Variants in CST1 observed in about 807,000 individuals in gnomAD.
CST1 encodes cystatin-SN.
A neutral mutation model predicts 10.7 loss-of-function variants in CST1; 19 were observed. The ratio of observed to expected loss-of-function variants is 1.78; its 90% confidence interval spans 1.24 to 2.61. The LOEUF (loss-of-function observed/expected upper bound fraction) is 2.61, where lower values mean the gene tolerates loss of function less well. CST1 is among the 30% of genes most tolerant of loss of function. The pLI is 0.00. For synonymous variants in CST1, 95 were observed against 72.8 expected (o/e 1.31, Z -1.55); for missense variants, 247 against 178.1 (o/e 1.39, Z -2.20).
chr20:23,747,962 G>C (rs1407424723), intron 2 of CST1, 63 bp from the exon 3 acceptor site: 20 of 1,504,152 alleles, frequency 1.3e-5, no homozygotes, highest in South Asian at 2.3e-5. Context: ...AGATGCCCAG[G>C]CATGAGATGT....
At chr20:23,749,322 T>C (rs1302771279) in intron 1 of CST1, among the ~76,000 whole-genome samples, 193 bp from the exon 2 acceptor site, 1 of 152,220 alleles carries the variant, frequency 6.6e-6, no homozygotes, top group African/African-American at 2.4e-5. Context: ...CATTGCTTTC[T>C]CTGTGCTGGG....
Position 23,747,738 on chromosome 20 carries a change from G to A in CST1, c.*78C>T. The A allele has an allele frequency of 7.0e-7, 1 of 1,431,138 alleles. No homozygotes were observed. The highest frequency in any genetic ancestry group is 9.7e-7 in the Non-Finnish European group (1 of 1,029,258). The allele number at this position is 1,431,138 out of a possible 1,614,324, so 88.7% of individuals were successfully genotyped here. On this transcript the variant is annotated 3_prime_UTR_variant, in exon 3 of 3. Coordinates refer to ENST00000304749, the MANE Select transcript of CST1 (RefSeq NM_001898.3). The stretch of plus-strand genomic sequence containing the variant: ...ATGGGGAGGCCTCCCGCAGGGTGGG[G>A]GCCACCAGTCCAGGGGTGGGAGCAC...
At chr20:23,749,947 A>C (rs1260718383) in intron 1 of CST1, among the ~76,000 whole-genome samples, 4 of 150,328 alleles carry the variant, frequency 2.7e-5, no homozygotes, top group Non-Finnish European at 5.9e-5. Flanking sequence ...TTTCCAGGAG[A>C]AGGTGGAGGA....
At chr20:23,749,913 G>A (rs1345095310) in intron 1 of CST1, among the ~76,000 whole-genome samples, 5 of 150,244 alleles carry the variant, frequency 3.3e-5, no homozygotes, top group African/African-American at 7.4e-5. Context: ...GAGGAGAAAC[G>A]GGGCTGGTGG....
chr20:23,749,093 C>T lies in CST1; in HGVS notation c.265G>A (p.Val89Met). 3 of 1,614,156 alleles carry T rather than the reference C, an allele frequency of 1.9e-6. No homozygotes were observed. Among genetic ancestry groups the T allele is most frequent in the Non-Finnish European group, 2.5e-6 (3 of 1,180,040 alleles). ...GGVNYFFDVE[V>M]GRTICTKSQP... Reference sequence around the variant, plus strand: ...GACTTGGTACATATGGTGCGGCCCACCTCTACGTCGAAGAAGTAATTCACC... The same window carrying T: ...GACTTGGTACATATGGTGCGGCCCATCTCTACGTCGAAGAAGTAATTCACC... The change falls in exon 2 of 3, where the codon GTG becomes ATG. Residue 89 changes from valine to methionine, a missense_variant. Coordinates refer to ENST00000304749, the MANE Select transcript of CST1 (RefSeq NM_001898.3).
In CST1 at chr20:23,747,794, G is replaced by A. The variant is rs184019338; in HGVS notation, c.*22C>T. 2.5e-6 allele frequency: 4 copies of A among 1,610,726 alleles called. No homozygotes were observed. The highest frequency in any genetic ancestry group is 4.5e-5 in the East Asian group (2 of 44,832). On this transcript the variant is annotated 3_prime_UTR_variant, in exon 3 of 3. Transcript: ENST00000304749. ...GGGGTGGGAGTGGGTGGTGGCTGGT[G>A]CGAATGGCCTGGCACAGATCCCTAG...
chr20:23,750,917 A>C lies in CST1; in HGVS notation c.-51T>G, dbSNP rs1453849932. 1.3e-6 allele frequency: 2 copies of C among 1,505,022 alleles called. No individual in the cohort carries two copies. The highest frequency in any genetic ancestry group is 1.4e-5 in the African/African-American group (1 of 71,996). 93.2% of individuals were successfully genotyped at this position (1,505,022 alleles called of 1,614,324 possible). The stretch of plus-strand genomic sequence containing the variant: ...GCTGGAGCTGCAGGAGAGGAGGGTG[A>C]GAGCCCGAGGCAGGGAGCCCAGACC... On this transcript the variant is annotated 5_prime_UTR_variant, in exon 1 of 3. Coordinates refer to ENST00000304749, the MANE Select transcript of CST1 (RefSeq NM_001898.3).
Position 23,750,920 on chromosome 20 carries a change from G to C in CST1, c.-54C>G, listed in dbSNP as rs1329209683. On this transcript the variant is annotated 5_prime_UTR_variant, in exon 1 of 3. Transcript: ENST00000304749. ...GGAGCTGCAGGAGAGGAGGGTGAGA[G>C]CCCGAGGCAGGGAGCCCAGACCAGC... 6.7e-6 allele frequency: 10 copies of C among 1,483,210 alleles called. No homozygotes were observed. The highest frequency in any genetic ancestry group is 2.0e-5 in the Admixed American group (1 of 50,858). 91.9% of individuals were successfully genotyped at this position (1,483,210 alleles called of 1,614,324 possible). A position where few individuals can be genotyped will look rare whatever the true frequency, so the allele number is the denominator to read the frequency against.
Position 23,747,682 on chromosome 20 carries a change from G to T in CST1, c.*134C>A. On this transcript the variant is annotated 3_prime_UTR_variant, in exon 3 of 3. Transcript: ENST00000304749. ...TGCTGAGCAACAAAGGACTCCTGCA[G>T]CCTTCTCTGTCTGTCTCTTGGCGCA... 2.6e-6 allele frequency: 2 copies of T among 769,348 alleles called. No homozygotes were observed. Among genetic ancestry groups the T allele is most frequent in the Non-Finnish European group, 4.3e-6 (2 of 463,764 alleles). 47.7% of individuals were successfully genotyped at this position (769,348 alleles called of 1,614,324 possible).
Position 23,747,704 on chromosome 20 carries a change from C to G in CST1, c.*112G>C, listed in dbSNP as rs1398925427. On this transcript the variant is annotated 3_prime_UTR_variant, in exon 3 of 3. Coordinates refer to ENST00000304749, the MANE Select transcript of CST1 (RefSeq NM_001898.3). ...GCAGCCTTCTCTGTCTGTCTCTTGG[C>G]GCAGGCACATGGGGAGGCCTCCCGC... The G allele has an allele frequency of 2.1e-6, 2 of 939,972 alleles. No homozygotes were observed. The highest frequency in any genetic ancestry group is 4.3e-5 in the Admixed American group (2 of 46,920). The allele number at this position is 939,972 out of a possible 1,614,324, so 58.2% of individuals were successfully genotyped here.
At chr20:23,750,329 G>A (rs1226547822) in intron 1 of CST1, among the ~76,000 whole-genome samples, 1 of 152,150 alleles carries the variant, frequency 6.6e-6, no homozygotes, top group South Asian at 2.1e-4. Flanking sequence ...TCATGGCCTG[G>A]ATCTCATCCT....
Position 23,747,700 on chromosome 20 carries a change from T to C in CST1, c.*116A>G, listed in dbSNP as rs1181358078. ...TCCTGCAGCCTTCTCTGTCTGTCTC[T>C]TGGCGCAGGCACATGGGGAGGCCTC... On this transcript the variant is annotated 3_prime_UTR_variant, in exon 3 of 3. Coordinates refer to ENST00000304749, the MANE Select transcript of CST1 (RefSeq NM_001898.3). 3.3e-6 allele frequency: 3 copies of C among 903,472 alleles called. No homozygotes were observed. The highest frequency in any genetic ancestry group is 5.2e-5 in the East Asian group (2 of 38,268). The allele number at this position is 903,472 out of a possible 1,614,324, so 56.0% of individuals were successfully genotyped here.
At chr20:23,748,226 C>A (rs561143313) in intron 2 of CST1, among the ~76,000 whole-genome samples, 3 of 152,068 alleles carry the variant, frequency 2.0e-5, no homozygotes, top group Non-Finnish European at 4.4e-5. Flanking sequence ...GTTCCCCCAG[C>A]TCCTTCCACC....
rs77188058 is a variant in CST1 at position 23,750,748 on chromosome 20, T to C, written c.119A>G (p.Asn40Ser). 10,727 of 1,614,152 alleles carry C rather than the reference T, an allele frequency of 6.6e-3. 549 individuals carry two copies. The African/African-American group carries it at 0.12, about 18-fold the overall frequency. ...IPGGIYNADL[N>S]DEWVQRALHF... ...AAGGGCACGCTGTACCCACTCATCA[T>C]TGAGGTCTGCGTTATAGATGCCACC... The change falls in exon 1 of 3, where the codon AAT (asparagine) becomes AGT (serine). Residue 40 changes from asparagine (N) to serine (S), a missense_variant. By Grantham distance (46) the Asn-to-Ser change is conservative. Coordinates refer to ENST00000304749, the MANE Select transcript of CST1 (RefSeq NM_001898.3).
At chr20:23,748,913 C>A in intron 2 of CST1, 103 bp downstream of exon 2, 2 of 927,890 alleles carry the variant, frequency 2.2e-6, no homozygotes, top group Non-Finnish European at 1.6e-6. Flanking sequence ...CCCACATACC[C>A]ACCTGCACAC....
At position 23,747,595 on chromosome 20, in the gene CST1, G is replaced by A; in HGVS notation, c.*221C>T. The A allele has an allele frequency of 3.4e-6, 2 of 579,882 alleles. No individual in the cohort carries two copies. Among genetic ancestry groups the A allele is most frequent in the Non-Finnish European group, 6.2e-6 (2 of 324,966 alleles). 35.9% of individuals were successfully genotyped at this position (579,882 alleles called of 1,614,324 possible). A position where few individuals can be genotyped will look rare whatever the true frequency, so the allele number is the denominator to read the frequency against. ...TACTGTTTAATTGCAGGAGGTGGGG[G>A]GGTGTGTACCATGTACCAGGGCTAT... is the stretch of plus-strand genomic sequence containing the variant. On this transcript the variant is annotated 3_prime_UTR_variant, in exon 3 of 3. Coordinates refer to ENST00000304749, the MANE Select transcript of CST1 (RefSeq NM_001898.3).
rs768059525 is a variant in CST1 at position 23,750,662 on chromosome 20, G to T, written c.205C>A (p.Arg69=). ...TKDDYYRRPL[R]VLRARQQTVG... Reference sequence around the variant, plus strand: ...ACCTGTTGCCTGGCTCTTAGTACCCGCAGCGGACGTCTGTAGTAGTCATCT... The same window carrying T: ...ACCTGTTGCCTGGCTCTTAGTACCCTCAGCGGACGTCTGTAGTAGTCATCT... The change falls in exon 1 of 3, where the codon CGG becomes AGG. Residue 69 remains arginine, a synonymous_variant. Coordinates refer to ENST00000304749, the MANE Select transcript of CST1 (RefSeq NM_001898.3). 1.2e-6 allele frequency: 2 copies of T among 1,613,874 alleles called. No individual in the cohort carries two copies. Among genetic ancestry groups the T allele is most frequent in the South Asian group, 1.1e-5 (1 of 91,066 alleles).
Sources: allele counts gnomAD v4.1 joint callset (sites outside exome capture counted in the v4.1 genomes callset), GRCh38; gene constraint gnomAD v4.1.1; transcripts MANE v1.5; gene names NCBI Gene and HGNC (gene_info 2026-07-23, HGNC 2026-07-21).